The following C8orf34 variants were observed in gnomAD, a reference collection of about 807,000 sequenced individuals.
The protein encoded by C8orf34 is chromosome 8 open reading frame 34, also known as uncharacterized protein C8orf34.
C8orf34 carries 65 observed loss-of-function variants against 68.3 expected under a neutral mutation model. That is an observed-to-expected ratio of 0.95 (90% CI 0.78 to 1.17). The LOEUF is 1.17. C8orf34 is among the 50% of genes most tolerant of loss of function. The pLI is 0.00. For missense variants in C8orf34, 664 were observed against 655.4 expected (o/e 1.01, Z -0.14); for synonymous variants, 244 against 241.2 (o/e 1.01, Z -0.11).
chr8:68,734,018 AT>A (rs879865392), intron 10 of C8orf34, among the ~76,000 whole-genome samples: 54 of 152,072 alleles, frequency 3.6e-4, no homozygotes, highest in African/African-American at 1.3e-3. Context: ...AGTTTCACTA[AT>A]TTTTTTTATG....
intron 3 of C8orf34, among the ~76,000 whole-genome samples, chr8:68,457,494 T>C (rs905254426): frequency 1.3e-5 from 2 of 152,182 alleles, no homozygotes; most frequent in South Asian, 2.1e-4. Context: ...TTGAAAGTTA[T>C]TTTGGTTCAA....
rs1047046164 is a variant in C8orf34 at position 68,666,173 on chromosome 8, A to G, written c.1241+25662A>G. On this transcript the variant is annotated intron_variant, in intron 8 of 13. Coordinates refer to ENST00000518698, the MANE Select transcript of C8orf34 (RefSeq NM_052958.4). ...TGTAAGTAGCAGGGGGAGGAAATTA[A>G]CCAGGAAGTCTTGCTCCAGAACACG... 3.9e-5 allele frequency among the ~76,000 whole-genome samples: 6 copies of G among 152,160 alleles called. No homozygotes were observed. The East Asian group carries it at 9.6e-4, about 24-fold the overall frequency.
At chr8:68,797,374 T>C (rs1045334083) in intron 12 of C8orf34, among the ~76,000 whole-genome samples, 3 of 152,104 alleles carry the variant, frequency 2.0e-5, no homozygotes, top group Non-Finnish European at 4.4e-5. Context: ...CTGATTGGGC[T>C]CAGTCCTATT....
At chr8:68,425,935 T>C (rs1204736351) in intron 1 of C8orf34, among the ~76,000 whole-genome samples, 4 of 152,200 alleles carry the variant, frequency 2.6e-5, no homozygotes, top group African/African-American at 4.8e-5. Context: ...GATACTCTTC[T>C]GCATAAATGA....
chr8:68,805,442 C>T (rs182619792), intron 12 of C8orf34, among the ~76,000 whole-genome samples: 65 of 152,312 alleles, frequency 4.3e-4, no homozygotes, highest in Admixed American at 4.1e-3. Context: ...AGCTGTGTGT[C>T]AACACCTCCT....
At chr8:68,608,871 A>G (rs1817932495) in intron 7 of C8orf34, among the ~76,000 whole-genome samples, 1 of 152,148 alleles carries the variant, frequency 6.6e-6, no homozygotes, top group Non-Finnish European at 1.5e-5. Flanking sequence ...ACAAGTGACT[A>G]TAAGAAATAC....
intron 7 of C8orf34, among the ~76,000 whole-genome samples, chr8:68,580,144 G>C (rs936483542): frequency 2.6e-5 from 4 of 151,986 alleles, no homozygotes; most frequent in African/African-American, 9.7e-5. Context: ...TTATTCATTC[G>C]CAGAACCATA....
chr8:68,534,887 G>C (rs769519128), intron 7 of C8orf34: 5 of 985,222 alleles, frequency 5.1e-6, no homozygotes, highest in Admixed American at 6.2e-5. Flanking sequence ...ACTATCTAAT[G>C]ATGAGCAATT....
intron 11 of C8orf34, among the ~76,000 whole-genome samples, chr8:68,782,639 G>C (rs781641230): frequency 6.6e-5 from 10 of 152,082 alleles, no homozygotes; most frequent in Non-Finnish European, 1.3e-4. Context: ...TGACCCCTGG[G>C]GCAGTGAGTT....
rs370724882 is a variant in C8orf34 at position 68,570,813 on chromosome 8, A to T, written c.1105+37664A>T. 6.6e-5 allele frequency among the ~76,000 whole-genome samples: 10 copies of T among 152,336 alleles called. No homozygotes were observed. In the East Asian group the frequency reaches 9.7e-4, roughly 15 times the overall value. ...CAAGATCCCATTGTCATAAGTGTGC[A>T]CATTAAGGTACGAGAAGCACCAACT... On this transcript the variant is annotated intron_variant, in intron 7 of 13. Coordinates refer to ENST00000518698, the MANE Select transcript of C8orf34 (RefSeq NM_052958.4).
intron 1 of C8orf34, among the ~76,000 whole-genome samples, chr8:68,347,256 C>A (rs1054465497): frequency 5.3e-5 from 8 of 152,000 alleles, no homozygotes; most frequent in African/African-American, 1.9e-4. Flanking sequence ...GGATAATAGG[C>A]TCCAGCTCTG....
chr8:68,535,531 T>C, intron 7 of C8orf34: 3 of 919,948 alleles, frequency 3.3e-6, no homozygotes, highest in Non-Finnish European at 3.9e-6. Flanking sequence ...ATCCTTTTAG[T>C]TGAACTAGTA....
Position 68,599,889 on chromosome 8 carries a change from CACAAACACAT to C in C8orf34, c.1106-40483_1106-40474del, listed in dbSNP as rs770079895. Among the ~76,000 whole-genome samples the C allele has an allele frequency of 2.7e-3, 404 of 152,056 alleles. 2 individuals carry two copies. Among genetic ancestry groups the C allele is most frequent in the Non-Finnish European group, 2.9e-3 (197 of 67,936 alleles). On this transcript the variant is annotated intron_variant, in intron 7 of 13. Transcript: ENST00000518698. ...GTATACAGACACACACACAAACACA[CACAAACACAT>C]ACATACCTATATGTCAAAAGAATTT...
chr8:68,805,539 A>C (rs1180792714), intron 12 of C8orf34, among the ~76,000 whole-genome samples: 1 of 152,244 alleles, frequency 6.6e-6, no homozygotes, highest in Non-Finnish European at 1.5e-5. Context: ...ATAAATTTAA[A>C]AGTGTATCTT....
Position 68,736,621 on chromosome 8 carries a change from G to A in C8orf34, c.1404+15184G>A, listed in dbSNP as rs138335901. On this transcript the variant is annotated intron_variant, in intron 10 of 13. Transcript: ENST00000518698. Reference sequence around the variant, plus strand: ...AATAAAATGAAACATAATTTTTATCGTAACAAGTCATGTTCATCTCAGGAT... The same window carrying A: ...AATAAAATGAAACATAATTTTTATCATAACAAGTCATGTTCATCTCAGGAT... Among the ~76,000 whole-genome samples the A allele has an allele frequency of 8.4e-4, 128 of 151,922 alleles. 1 individual carries two copies. The highest frequency in any genetic ancestry group is 2.9e-3 in the African/African-American group (122 of 41,442).
intron 1 of C8orf34, among the ~76,000 whole-genome samples, chr8:68,431,139 A>T (rs1398207240): frequency 6.6e-6 from 1 of 152,042 alleles, no homozygotes; most frequent in East Asian, 1.9e-4. Flanking sequence ...ATTAAACCAC[A>T]TTGTCACCCC....
chr8:68,798,312 C>G (rs146496277), intron 12 of C8orf34, among the ~76,000 whole-genome samples: 2 of 96,298 alleles, frequency 2.1e-5, no homozygotes, highest in African/African-American at 5.0e-5. Flanking sequence ...TTTTTTTAAA[C>G]AGAGTCTCAT....
intron 8 of C8orf34, among the ~76,000 whole-genome samples, chr8:68,643,329 G>A (rs1453025251): frequency 1.3e-5 from 2 of 152,094 alleles, no homozygotes; most frequent in African/African-American, 4.8e-5. Context: ...TTCTAAGCAG[G>A]GCTGAGCAAT....
chr8:68,494,808 A>G (rs928632071), intron 5 of C8orf34, among the ~76,000 whole-genome samples: 6 of 151,888 alleles, frequency 4.0e-5, no homozygotes, highest in African/African-American at 1.5e-4. Flanking sequence ...GTGAGCTGAG[A>G]TCACGCTACT....
Sources: gnomAD v4.1 joint callset for allele counts (sites outside exome capture counted in the v4.1 genomes callset) on GRCh38, gnomAD v4.1.1 for gene constraint, MANE v1.5 for transcripts, NCBI Gene and HGNC (gene_info 2026-07-23, HGNC 2026-07-21) for gene names.